Variants in HAGH observed in about 807,000 individuals in gnomAD.
HAGH encodes hydroxyacylglutathione hydrolase.
In HAGH, 29 loss-of-function variants were observed where a neutral mutation model predicts 35.1. The observed-to-expected ratio is 0.83, with a 90% CI of 0.62 to 1.13. The LOEUF (loss-of-function observed/expected upper bound fraction) is 1.13, where lower values mean the gene tolerates loss of function less well. HAGH is among the 50% of genes most tolerant of loss of function. The probability of loss-of-function intolerance (pLI) is 0.00; values close to 1 mark genes in which losing one functional copy is unlikely to be tolerated. For missense variants in HAGH, 478 were observed against 419.6 expected, an observed-to-expected ratio of 1.14 and a Z score of -1.22; for synonymous variants, 225 against 176.1, an observed-to-expected ratio of 1.28 and a Z score of -2.20.
intron 1 of HAGH, among the ~76,000 whole-genome samples, chr16:1,823,947 AC>A (rs1482917776): frequency 1.3e-5 from 2 of 151,940 alleles, no homozygotes; most frequent in Non-Finnish European, 2.9e-5. Flanking sequence ...GATTATTCAC[AC>A]CCCGGACTCA....
chr16:1,809,285 A>G lies in HAGH; in HGVS notation c.925T>C (p.Ter309ArgextTer15), dbSNP rs1389574694. 1.9e-6 allele frequency: 3 copies of G among 1,600,212 alleles called. No homozygotes were observed. The highest frequency in any genetic ancestry group is 1.7e-5 in the Admixed American group (1 of 58,982). ...TCCGCTGAAGGTGCAGGGCGGCCTC[A>G]GTCCCGGGGCATCTTGAACTGGTCC... Reference protein sequence around the residue: ...EKDQFKMPRD* With the variant: ...EKDQFKMPRDR The change falls in exon 9 of 9, where the codon TGA becomes CGA. Residue 309 changes from the stop codon to arginine (R), a stop_lost. Coordinates refer to ENST00000397356, the MANE Select transcript of HAGH (RefSeq NM_005326.6).
intron 8 of HAGH, 116 bp from the exon 9 acceptor site, chr16:1,809,498 GAGGGCGGGGAGGCGGCAGCCACTCCCC>G: frequency 1.2e-6 from 1 of 811,922 alleles, no homozygotes; most frequent in Non-Finnish European, 2.0e-6. Context: ...AGAGGACACG[GAGGGCGGGGAGGCGGCAGCCACTCCCC>G]TTCTGACAGG....
chr16:1,819,400 G>C (rs1034127339), intron 4 of HAGH, among the ~76,000 whole-genome samples, 177 bp from the exon 5 acceptor site: 2 of 152,332 alleles, frequency 1.3e-5, no homozygotes, highest in Admixed American at 1.3e-4. Context: ...CCATGGGTGC[G>C]CCCCAAGTGC....
At chr16:1,822,161 T>A (rs1479405573) in intron 3 of HAGH, 139 bp downstream of exon 3, 9 of 638,836 alleles carry the variant, frequency 1.4e-5, no homozygotes, top group Middle Eastern at 2.7e-4. Flanking sequence ...GAGTCCCGGG[T>A]CTTTCTCAGA....
rs143675773 is a variant in HAGH at position 1,817,180 on chromosome 16, G to A, written c.633C>T (p.Leu211=). Residue 211 remains leucine, a synonymous_variant, in exon 6 of 9, where the codon CTC becomes CTT. Transcript: ENST00000397356. ...AGGCGCTGCCTACTGTGTCCGGGGGGAGCCGGCCCAAGACCTCCAGCAGAG... is the reference window on the plus strand; with the variant it reads ...AGGCGCTGCCTACTGTGTCCGGGGGAAGCCGGCCCAAGACCTCCAGCAGAG... The part of the protein sequence containing the change: ...CKALLEVLGR[L]PPDTRVYCGH... The A allele has an allele frequency of 2.5e-6, 4 of 1,607,796 alleles. No homozygotes were observed. The highest frequency in any genetic ancestry group is 2.2e-5 in the East Asian group (1 of 44,822).
intron 1 of HAGH, among the ~76,000 whole-genome samples, chr16:1,823,737 T>A: frequency 1.2e-5 from 1 of 82,756 alleles, no homozygotes; most frequent in Admixed American, 2.0e-4. Flanking sequence ...GACAATAACC[T>A]GTTCCTTAAA....
At chr16:1,826,941 T>A, upstream of HAGH, 1 of 643,654 alleles carries the variant, frequency 1.6e-6, no homozygotes, top group South Asian at 2.9e-5. Context: ...CGCGCTCAAC[T>A]TGTTTTGTCC....
In HAGH at chr16:1,817,245, C is replaced by T. The variant is rs1036350754; in HGVS notation, c.568G>A (p.Gly190Arg). The T allele has an allele frequency of 3.7e-6, 6 of 1,613,024 alleles. No individual in the cohort carries two copies. Among genetic ancestry groups the T allele is most frequent in the East Asian group, 2.2e-5 (1 of 44,866 alleles). The change falls in exon 6 of 9, where the codon GGG becomes AGG. Residue 190 changes from glycine (G) to arginine (R), a missense_variant. By Grantham distance (125) the Gly-to-Arg change is moderately radical. Coordinates refer to ENST00000397356, the MANE Select transcript of HAGH (RefSeq NM_005326.6). ...TGDTLFVAGC[G>R]KFYEGTADEM... is the part of the protein sequence containing the mutation. ...TCCGCAGTCCCTTCATAGAACTTCC[C>T]GCAGCCAGCCACAAACAAGGTGTCA...
chr16:1,819,001 C>G (rs941186076), intron 5 of HAGH, 114 bp downstream of exon 5: 19 of 677,434 alleles, frequency 2.8e-5, no homozygotes, highest in Admixed American at 4.5e-5. Context: ...ACCCCTGGGC[C>G]CCCTCACACC....
At chr16:1,811,379 A>ACTC (rs1897640861) in intron 7 of HAGH, among the ~76,000 whole-genome samples, 1 of 151,538 alleles carries the variant, frequency 6.6e-6, no homozygotes. Context: ...ATGCCACTGC[A>ACTC]CTCCAGCCTG....
Position 1,826,726 on chromosome 16 carries a change from G to C in HAGH, c.62C>G (p.Ala21Gly). ...GCCGCACCCACCGAGGCCTCGGCGGGCGCAGGCGGCTCCCAGCGCGGCGAG... is the reference window on the plus strand; with the variant it reads ...GCCGCACCCACCGAGGCCTCGGCGGCCGCAGGCGGCTCCCAGCGCGGCGAG... Reference protein sequence around the residue: ...RSLAALGAACARRGLGPALLG... With the variant: ...RSLAALGAACGRRGLGPALLG... Residue 21 changes from alanine (A) to glycine (G), a missense_variant, in exon 1 of 9, where the codon GCC becomes GGC. Physicochemically the swap from Ala to Gly is moderately conservative, Grantham distance 60. Transcript: ENST00000397356. 2 of 1,157,820 alleles carry C rather than the reference G, an allele frequency of 1.7e-6. No individual in the cohort carries two copies. Among genetic ancestry groups the C allele is most frequent in the Non-Finnish European group, 2.1e-6 (2 of 940,990 alleles). The allele number at this position is 1,157,820 out of a possible 1,614,324, so 71.7% of individuals were successfully genotyped here. A position where few individuals can be genotyped will look rare whatever the true frequency, so the allele number is the denominator to read the frequency against.
chr16:1,823,744 TA>T (rs71145496), intron 1 of HAGH, among the ~76,000 whole-genome samples: 12,077 of 54,716 alleles, frequency 0.22, 1,071 homozygotes, highest in Admixed American at 0.24. Flanking sequence ...ACCTGTTCCT[TA>T]AAAAAAAAAA....
At chr16:1,819,402 C>T (rs888437305) in intron 4 of HAGH, among the ~76,000 whole-genome samples, 179 bp from the exon 5 acceptor site, 4 of 152,222 alleles carry the variant, frequency 2.6e-5, no homozygotes, top group Non-Finnish European at 5.9e-5. Context: ...ATGGGTGCGC[C>T]CCAAGTGCAG....
Position 1,808,481 on chromosome 16 carries a change from T to C in HAGH, c.*802A>G, listed in dbSNP as rs1323643564. On this transcript the variant is annotated 3_prime_UTR_variant, in exon 9 of 9. Transcript: ENST00000397356. ...ACACCTGGCTAATTTTTTGTATTTT[T>C]AGTAGAGACGGGGTTTCACCATGTT... The C allele has an allele frequency of 6.6e-6, 1 of 152,104 alleles. No homozygotes were observed. The highest frequency in any genetic ancestry group is 6.6e-5 in the Admixed American group (1 of 15,262). The allele number at this position is 152,104 out of a possible 1,614,324, so 9.4% of individuals were successfully genotyped here.
chr16:1,809,783 C>T lies in HAGH; in HGVS notation c.798G>A (p.Glu266=), dbSNP rs1219154115. 3.1e-6 allele frequency: 5 copies of T among 1,613,958 alleles called. No homozygotes were observed. The highest frequency in any genetic ancestry group is 4.2e-6 in the Non-Finnish European group (5 of 1,179,792). ...CTCTCATGAAGGGGTTGTAGGTAAA[C>T]TCCTCTGCCAGGGTGGATGGCACTG... The part of the protein sequence containing the change: ...EPTVPSTLAE[E]FTYNPFMRVR... Residue 266 remains glutamate, a synonymous_variant, in exon 8 of 9, where the codon GAG becomes GAA. Coordinates refer to ENST00000397356, the MANE Select transcript of HAGH (RefSeq NM_005326.6).
chr16:1,820,116 T>A (rs1439140574), intron 3 of HAGH, 102 bp from the exon 4 acceptor site: 1 of 761,220 alleles, frequency 1.3e-6, no homozygotes, highest in African/African-American at 1.8e-5. Flanking sequence ...CTGCTGCTCT[T>A]AAACCCTAGT....
chr16:1,818,148 G>A (rs1200847642), intron 5 of HAGH, among the ~76,000 whole-genome samples: 1 of 152,178 alleles, frequency 6.6e-6, no homozygotes, highest in Non-Finnish European at 1.5e-5. Context: ...GGGGCCTGGG[G>A]CTTCTGCTCC....
At chr16:1,812,811 C>T (rs1417383132) in intron 7 of HAGH, among the ~76,000 whole-genome samples, 1 of 152,190 alleles carries the variant, frequency 6.6e-6, no homozygotes, top group Admixed American at 6.5e-5. Context: ...AGGCGCCCTG[C>T]AGGAGGCGGC....
intron 7 of HAGH, among the ~76,000 whole-genome samples, chr16:1,816,214 T>TAAA (rs796466016): frequency 7.5e-5 from 10 of 134,092 alleles, no homozygotes; most frequent in East Asian, 2.2e-4. Flanking sequence ...AAAAAAAAAT[T>TAAA]AAAAAAAAAA....
Sources: gnomAD v4.1 joint callset for allele counts (sites outside exome capture counted in the v4.1 genomes callset) on GRCh38, gnomAD v4.1.1 for gene constraint, MANE v1.5 for transcripts, NCBI Gene and HGNC (gene_info 2026-07-23, HGNC 2026-07-21) for gene names.